MANEA: variants seen among roughly 807,000 people sequenced by gnomAD.
The protein encoded by MANEA is mannosidase endo-alpha.
In MANEA, 25 loss-of-function variants were observed where a neutral mutation model predicts 36.8. The observed-to-expected ratio is 0.68, with a 90% CI of 0.50 to 0.95. The LOEUF is 0.95. Ranked by LOEUF, MANEA falls within the 40% of genes least tolerant of loss-of-function variation. MANEA has a pLI of 0.00. For synonymous variants in MANEA, 198 were observed against 188.5 expected (o/e 1.05, Z -0.41); for missense variants, 565 against 558.8 (o/e 1.01, Z -0.11).
At chr6:95,581,134 A>G (rs1438026804) in intron 1 of MANEA, among the ~76,000 whole-genome samples, 1 of 152,198 alleles carries the variant, frequency 6.6e-6, no homozygotes, top group Non-Finnish European at 1.5e-5. Flanking sequence ...TCAGATAACT[A>G]AAAAATGGCA....
At chr6:95,591,088 T>A (rs9488910) in intron 2 of MANEA, among the ~76,000 whole-genome samples, 1 of 152,166 alleles carries the variant, frequency 6.6e-6, no homozygotes, top group African/African-American at 2.4e-5. Flanking sequence ...GGTCATAGTT[T>A]GCTGATCACT....
In MANEA at chr6:95,586,814, T is replaced by C. The variant is rs1769292069; in HGVS notation, c.375T>C (p.His125=). The change falls in exon 2 of 5, where the codon CAT becomes CAC. Residue 125 remains histidine, a synonymous_variant. Coordinates refer to ENST00000358812, the MANE Select transcript of MANEA (RefSeq NM_024641.4). ...ATGGTAAATATATACATTGGAATCATCCAGTGTTAGAGCATTGGGACCCTA... is the reference window on the plus strand; with the variant it reads ...ATGGTAAATATATACATTGGAATCACCCAGTGTTAGAGCATTGGGACCCTA... ...QFDGKYIHWN[H]PVLEHWDPRI... is the part of the protein sequence containing the mutation. The C allele has an allele frequency of 6.2e-7, 1 of 1,613,994 alleles. No homozygotes were observed. Among genetic ancestry groups the C allele is most frequent in the Non-Finnish European group, 8.5e-7 (1 of 1,179,904 alleles).
chr6:95,588,581 TA>T (rs952817159), intron 2 of MANEA, among the ~76,000 whole-genome samples: 2 of 151,952 alleles, frequency 1.3e-5, no homozygotes, highest in African/African-American at 2.4e-5. Flanking sequence ...TTTCAAATGA[TA>T]TTTTTTCTAT....
In MANEA at chr6:95,586,922, C is replaced by G. The variant is rs749003246; in HGVS notation, c.483C>G (p.Tyr161Ter). ...GCTTTTATCCTGAATTGGGAAGTTA[C>G]AGTTCTCGGGATCCTTCTGTCATAG... ...GSSFYPELGS[Y>*]SSRDPSVIET... is the part of the protein sequence containing the mutation. Residue 161 changes from tyrosine to a stop codon, truncating the protein, a stop_gained, in exon 2 of 5, where the codon TAC becomes TAG. Transcript: ENST00000358812. LOFTEE classifies it high-confidence loss of function. 1 of 1,613,154 alleles carries G rather than the reference C, an allele frequency of 6.2e-7. No individual in the cohort carries two copies. The highest frequency in any genetic ancestry group is 8.5e-7 in the Non-Finnish European group (1 of 1,179,424).
chr6:95,586,334 T>G (rs538868328), intron 1 of MANEA, 68 bp from the exon 2 acceptor site: 1 of 869,718 alleles, frequency 1.1e-6, no homozygotes, highest in East Asian at 2.4e-5. Context: ...ATTTTAGTTT[T>G]CGTGTTGAAT....
intron 3 of MANEA, among the ~76,000 whole-genome samples, chr6:95,601,626 A>AT (rs1473062921): frequency 1.3e-5 from 2 of 150,510 alleles, no homozygotes; most frequent in Non-Finnish European, 3.0e-5. Flanking sequence ...AGCCACTGAG[A>AT]TTGTGGGGTT....
intron 2 of MANEA, among the ~76,000 whole-genome samples, chr6:95,589,344 C>A (rs2127940398): frequency 6.6e-6 from 1 of 152,152 alleles, no homozygotes; most frequent in Non-Finnish European, 1.5e-5. Context: ...ACATATTTAA[C>A]ATTCATATTT....
chr6:95,586,599 C>G lies in MANEA; in HGVS notation c.160C>G (p.His54Asp). The G allele has an allele frequency of 1.9e-6, 3 of 1,613,962 alleles. No individual in the cohort carries two copies. The highest frequency in any genetic ancestry group is 1.1e-5 in the South Asian group (1 of 91,060). Residue 54 changes from histidine to aspartate, a missense_variant, in exon 2 of 5, where the codon CAT becomes GAT. Transcript: ENST00000358812. The stretch of plus-strand genomic sequence containing the variant: ...TCCAGAACTTCATCAACGAACTATT[C>G]ATTTGGGGAAAAATTTTGATTTCCA... ...LLPELHQRTI[H>D]LGKNFDFQKS...
At chr6:95,586,377 A>G in intron 1 of MANEA, 25 bp from the exon 2 acceptor site, 2 of 1,334,792 alleles carry the variant, frequency 1.5e-6, no homozygotes, top group Non-Finnish European at 2.1e-6. Flanking sequence ...ACACTTACTA[A>G]TTATCTTTTT....
intron 1 of MANEA, among the ~76,000 whole-genome samples, chr6:95,579,308 G>A (rs1769136250): frequency 6.6e-6 from 1 of 152,200 alleles, no homozygotes; most frequent in Non-Finnish European, 1.5e-5. Context: ...GGGAGGTGGA[G>A]GTTGTAGTGA....
At position 95,605,783 on chromosome 6, in the gene MANEA, C is replaced by G. The variant is rs149270639; in HGVS notation, c.767C>G (p.Thr256Arg). Reference sequence around the variant, plus strand: ...CATCCGGCCTTTTACAGGTACAAGACGAAGACTGGCAATGCTCTTCCTATG... The same window carrying G: ...CATCCGGCCTTTTACAGGTACAAGAGGAAGACTGGCAATGCTCTTCCTATG... ...GNHPAFYRYKTKTGNALPMFY... is the reference protein window; with the variant it reads ...GNHPAFYRYKRKTGNALPMFY... The change falls in exon 5 of 5, where the codon ACG (threonine) becomes AGG (arginine). Residue 256 changes from threonine to arginine, a missense_variant. By Grantham distance (71) the Thr-to-Arg change is moderately conservative. Transcript: ENST00000358812. 115 of 1,612,982 alleles carry G rather than the reference C, an allele frequency of 7.1e-5. No individual in the cohort carries two copies. The African/African-American group carries it at 1.4e-3, about 19-fold the overall frequency.
rs755092532 is a variant in MANEA at position 95,605,745 on chromosome 6, T to C, written c.732-3T>C. The C allele has an allele frequency of 1.3e-6, 2 of 1,598,668 alleles. No homozygotes were observed. The highest frequency in any genetic ancestry group is 4.5e-5 in the East Asian group (2 of 44,670). ...TTCACTTTTATATATGCTTATTTTC[T>C]AGATATGGAAATCATCCGGCCTTTT... On this transcript the variant is annotated splice_region_variant and splice_polypyrimidine_tract_variant and intron_variant, in intron 4 of 4. Coordinates refer to ENST00000358812, the MANE Select transcript of MANEA (RefSeq NM_024641.4).
At chr6:95,598,547 CA>C (rs1262462447) in intron 3 of MANEA, among the ~76,000 whole-genome samples, 1 of 152,122 alleles carries the variant, frequency 6.6e-6, no homozygotes, top group Non-Finnish European at 1.5e-5. Flanking sequence ...ATAGGGGCTA[CA>C]GGGTTGTTTT....
intron 1 of MANEA, among the ~76,000 whole-genome samples, chr6:95,583,290 C>T (rs1428374364): frequency 6.6e-6 from 1 of 151,788 alleles, no homozygotes; most frequent in Admixed American, 6.6e-5. Flanking sequence ...ATATTGTTTC[C>T]CAAGAGTTTT....
intron 3 of MANEA, among the ~76,000 whole-genome samples, chr6:95,599,058 A>C (rs1304851197): frequency 6.6e-6 from 1 of 152,186 alleles, no homozygotes; most frequent in Admixed American, 6.5e-5. Flanking sequence ...TATATTAGAT[A>C]ATATATGTAA....
Position 95,607,766 on chromosome 6 carries a change from A to C in MANEA, c.*1361A>C, listed in dbSNP as rs1402956890. ...ACAGTTAATGTTTATAACTATAGTA[A>C]AAAATTAATATATATCCTATTACAT... is the stretch of plus-strand genomic sequence containing the variant. On this transcript the variant is annotated 3_prime_UTR_variant, in exon 5 of 5. Coordinates refer to ENST00000358812, the MANE Select transcript of MANEA (RefSeq NM_024641.4). The C allele has an allele frequency of 6.6e-6, 1 of 151,680 alleles. No homozygotes were observed. Among genetic ancestry groups the C allele is most frequent in the Non-Finnish European group, 1.5e-5 (1 of 67,736 alleles). 9.4% of individuals were successfully genotyped at this position (151,680 alleles called of 1,614,324 possible). A position where few individuals can be genotyped will look rare whatever the true frequency, so the allele number is the denominator to read the frequency against.
intron 1 of MANEA, among the ~76,000 whole-genome samples, chr6:95,581,406 GA>G (rs575393627): frequency 1.3e-5 from 2 of 149,400 alleles, no homozygotes; most frequent in African/African-American, 4.9e-5. Context: ...AAGAGAGAGA[GA>G]AAAAAAAACA....
intron 3 of MANEA, among the ~76,000 whole-genome samples, chr6:95,599,787 T>C (rs1769554605): frequency 6.6e-6 from 1 of 152,204 alleles, no homozygotes; most frequent in Non-Finnish European, 1.5e-5. Context: ...TGATTTACTA[T>C]CCTGAAACTG....
At chr6:95,600,859 A>C (rs35381249) in intron 3 of MANEA, among the ~76,000 whole-genome samples, 11,217 of 152,264 alleles carry the variant, frequency 0.074, 426 homozygotes, top group Non-Finnish European at 0.082. Flanking sequence ...TAGTTCATTC[A>C]TTTTGATTAT....
Sources: gnomAD v4.1 joint callset for allele counts (sites outside exome capture counted in the v4.1 genomes callset) on GRCh38, gnomAD v4.1.1 for gene constraint, MANE v1.5 for transcripts, NCBI Gene and HGNC (gene_info 2026-07-23, HGNC 2026-07-21) for gene names.